Variants in KCNH8 observed in about 807,000 individuals in gnomAD.
KCNH8 encodes the protein potassium voltage-gated channel subfamily H member 8, also known as voltage-gated delayed rectifier potassium channel KCNH8.
A neutral mutation model predicts 103.6 loss-of-function variants in KCNH8; 70 were observed. That is an observed-to-expected ratio of 0.68 (90% CI 0.56 to 0.82). The LOEUF (loss-of-function observed/expected upper bound fraction) is 0.82. Ranked by LOEUF, KCNH8 falls within the 40% of genes least tolerant of loss-of-function variation. KCNH8 has a pLI of 0.00. For synonymous variants in KCNH8, 498 were observed against 489.4 expected, an observed-to-expected ratio of 1.02 and a Z score of -0.23; for missense variants, 1,217 against 1,329.9, an observed-to-expected ratio of 0.92 and a Z score of 1.32.
intron 5 of KCNH8, among the ~76,000 whole-genome samples, chr3:19,383,574 T>C (rs1368312624): frequency 1.3e-5 from 2 of 152,154 alleles, no homozygotes; most frequent in Admixed American, 6.5e-5. Context: ...GGTTTCACCA[T>C]GTTGGTCAGG....
intron 3 of KCNH8, among the ~76,000 whole-genome samples, chr3:19,319,408 A>G (rs1376729342): frequency 6.6e-6 from 1 of 151,768 alleles, no homozygotes; most frequent in East Asian, 1.9e-4. Context: ...CCAGCACCAT[A>G]TGTTGAATAG....
chr3:19,292,776 G>A (rs1205058853), intron 3 of KCNH8, among the ~76,000 whole-genome samples: 1 of 152,122 alleles, frequency 6.6e-6, no homozygotes, highest in Admixed American at 6.6e-5. Flanking sequence ...ACTCATGTCT[G>A]TGGTGCAGAC....
chr3:19,349,412 C>G (rs2065770357), intron 5 of KCNH8, among the ~76,000 whole-genome samples: 1 of 152,030 alleles, frequency 6.6e-6, no homozygotes, highest in African/African-American at 2.4e-5. Context: ...CTCCCCATGC[C>G]CTGGTCAAAG....
chr3:19,167,755 G>A (rs2063299932), intron 1 of KCNH8, among the ~76,000 whole-genome samples: 1 of 152,182 alleles, frequency 6.6e-6, no homozygotes, highest in Non-Finnish European at 1.5e-5. Context: ...CCTGCGTCCA[G>A]TGTCTTCCAG....
intron 3 of KCNH8, among the ~76,000 whole-genome samples, chr3:19,330,026 G>T (rs1447906424): frequency 6.6e-6 from 1 of 151,536 alleles, no homozygotes; most frequent in African/African-American, 2.4e-5. Flanking sequence ...AAAAAAAAAG[G>T]ATTGAATTCT....
At chr3:19,443,542 C>T (rs2067313620) in intron 8 of KCNH8, among the ~76,000 whole-genome samples, 1 of 150,928 alleles carries the variant, frequency 6.6e-6, no homozygotes, top group African/African-American at 2.4e-5. Context: ...AGTGTACAAA[C>T]CACTAATATA....
chr3:19,302,889 C>T (rs1347517426), intron 3 of KCNH8, among the ~76,000 whole-genome samples: 1 of 152,158 alleles, frequency 6.6e-6, no homozygotes, highest in Non-Finnish European at 1.5e-5. Context: ...TTCTACCCAT[C>T]AGAATGACTC....
chr3:19,401,455 T>C (rs1470233403), intron 7 of KCNH8, among the ~76,000 whole-genome samples: 1 of 152,056 alleles, frequency 6.6e-6, no homozygotes, highest in Non-Finnish European at 1.5e-5. Context: ...ACTGAAGTAG[T>C]ACAACACAGT....
intron 3 of KCNH8, among the ~76,000 whole-genome samples, chr3:19,327,114 A>G (rs981988693): frequency 2.6e-5 from 4 of 152,166 alleles, no homozygotes; most frequent in African/African-American, 4.8e-5. Flanking sequence ...GAGGGCACAT[A>G]TGGAAGCTGC....
intron 1 of KCNH8, among the ~76,000 whole-genome samples, chr3:19,167,746 C>T (rs575394223): frequency 6.6e-6 from 1 of 152,258 alleles, no homozygotes; most frequent in Admixed American, 6.5e-5. Context: ...TACAGATGCC[C>T]TGCGTCCAGT....
chr3:19,513,680 T>C (rs1336615717), intron 13 of KCNH8, among the ~76,000 whole-genome samples: 4 of 152,176 alleles, frequency 2.6e-5, no homozygotes, highest in Non-Finnish European at 4.4e-5. Flanking sequence ...CCTCAATGCT[T>C]GATCTTACCA....
intron 3 of KCNH8, among the ~76,000 whole-genome samples, chr3:19,289,105 C>T (rs561157200): frequency 2.6e-4 from 40 of 152,068 alleles, no homozygotes; most frequent in African/African-American, 8.7e-4. Flanking sequence ...TGTTTGAGTT[C>T]ATTGTAGATT....
chr3:19,389,548 A>C (rs918193044), intron 5 of KCNH8, among the ~76,000 whole-genome samples: 6 of 152,146 alleles, frequency 3.9e-5, no homozygotes, highest in Admixed American at 3.3e-4. Context: ...ATCGACACAG[A>C]GATTAGTAAA....
chr3:19,287,202 G>A (rs566599812), intron 3 of KCNH8, among the ~76,000 whole-genome samples: 18 of 152,084 alleles, frequency 1.2e-4, no homozygotes, highest in Non-Finnish European at 2.4e-4. Flanking sequence ...TAGGACCCTG[G>A]ATCATACTAA....
intron 11 of KCNH8, among the ~76,000 whole-genome samples, chr3:19,460,291 A>G (rs866736454): frequency 7.2e-5 from 11 of 152,182 alleles, no homozygotes; most frequent in African/African-American, 2.2e-4. Flanking sequence ...TATTTAGCAG[A>G]GCCTGAGCTC....
intron 11 of KCNH8, among the ~76,000 whole-genome samples, chr3:19,488,558 TCA>T (rs2068257943): frequency 6.6e-6 from 1 of 152,330 alleles, no homozygotes; most frequent in South Asian, 2.1e-4. Flanking sequence ...ACGGTAAGCC[TCA>T]CACAGTCTTT....
chr3:19,199,338 A>G (rs2063633313), intron 1 of KCNH8, among the ~76,000 whole-genome samples: 1 of 152,070 alleles, frequency 6.6e-6, no homozygotes, highest in Admixed American at 6.6e-5. Flanking sequence ...CTAATATTAC[A>G]TAAATCGTAA....
At chr3:19,336,616 A>G (rs1231529693) in intron 3 of KCNH8, among the ~76,000 whole-genome samples, 1 of 151,922 alleles carries the variant, frequency 6.6e-6, no homozygotes, top group Non-Finnish European at 1.5e-5. Flanking sequence ...TTTTGCCACC[A>G]CAGCTATCAA....
rs550551461 is a variant in KCNH8, at chr3:19,299,654, CAAAAAT to C, written c.442+18337_442+18342del. 9.0e-3 allele frequency among the ~76,000 whole-genome samples: 1,357 copies of C among 151,204 alleles called. 25 individuals are homozygous for C. The highest frequency in any genetic ancestry group is 0.031 in the African/African-American group (1,277 of 41,224). Reference sequence around the variant, plus strand: ...TCCCTGAACTTAAAAAAAAATAAAACAAAAATAAAAATAAAAAATAAAAAAGTTTTA... The same window carrying C: ...TCCCTGAACTTAAAAAAAAATAAAACAAAAATAAAAAATAAAAAAGTTTTA... On this transcript the variant is annotated intron_variant, in intron 3 of 15. Coordinates refer to ENST00000328405, the MANE Select transcript of KCNH8 (RefSeq NM_144633.3).
Sources: gnomAD v4.1 joint callset for allele counts (sites outside exome capture counted in the v4.1 genomes callset) on GRCh38, gnomAD v4.1.1 for gene constraint, MANE v1.5 for transcripts, NCBI Gene and HGNC (gene_info 2026-07-23, HGNC 2026-07-21) for gene names.